The following DOK7 variants were observed in gnomAD, a reference collection of about 807,000 sequenced individuals.
DOK7 encodes protein Dok-7.
A neutral mutation model predicts 30.7 loss-of-function variants in DOK7; 32 were observed. That is an observed-to-expected ratio of 1.04 (90% CI 0.79 to 1.40). The LOEUF (loss-of-function observed/expected upper bound fraction) is 1.40. Ranked by LOEUF, DOK7 falls within the 40% of genes most tolerant of loss-of-function variation. The pLI, the probability that DOK7 is intolerant of heterozygous loss-of-function variation, is 0.00. For synonymous variants in DOK7, 447 were observed against 324.1 expected, an observed-to-expected ratio of 1.38 and a Z score of -4.07; for missense variants, 1,007 against 699.2, an observed-to-expected ratio of 1.44 and a Z score of -4.97.
downstream of DOK7, among the ~76,000 whole-genome samples, chr4:3,495,523 C>CA: frequency 6.6e-6 from 1 of 152,342 alleles, no homozygotes; most frequent in East Asian, 1.9e-4. Flanking sequence ...TGCCTCTCCT[C>CA]ACGATGCTCG....
At chr4:3,491,992 G>T (rs777785628) in intron 6 of DOK7, among the ~76,000 whole-genome samples, 12 of 152,340 alleles carry the variant, frequency 7.9e-5, no homozygotes, top group Non-Finnish European at 2.9e-5. Context: ...CTCCCCTCCT[G>T]CCCTGCCCCA....
Position 3,469,149 on chromosome 4 carries a change from G to T in DOK7, c.101-4257G>T, listed in dbSNP as rs963127169. 4.0e-5 allele frequency among the ~76,000 whole-genome samples: 6 copies of T among 150,670 alleles called. 1 individual carries two copies. Among genetic ancestry groups the T allele is most frequent in the Non-Finnish European group, 8.9e-5 (6 of 67,672 alleles). On this transcript the variant is annotated intron_variant, in intron 2 of 6. Coordinates refer to ENST00000340083, the MANE Select transcript of DOK7 (RefSeq NM_173660.5). ...ATTGTGTGTGTGCGTGTATGTGTCT[G>T]TGTATGAGTGTGCATGTGTGTGTGT... is the stretch of plus-strand genomic sequence containing the variant.
downstream of DOK7, chr4:3,494,595 A>C: frequency 1.2e-6 from 1 of 866,102 alleles, no homozygotes; most frequent in Non-Finnish European, 1.4e-6. Flanking sequence ...CCTTTATCTC[A>C]GAGAGTGCGA....
intron 3 of DOK7, among the ~76,000 whole-genome samples, chr4:3,474,903 C>A (rs1465764977): frequency 1.3e-5 from 2 of 152,058 alleles, no homozygotes; most frequent in African/African-American, 4.8e-5. Context: ...CAGAGTGAGA[C>A]CCTGTCTCAA....
rs371408752 is a variant in DOK7 at position 3,485,644 on chromosome 4, G to C, written c.638G>C (p.Arg213Pro). The change falls in exon 5 of 7, where the codon CGG becomes CCG. Residue 213 changes from arginine (R) to proline (P), a missense_variant. Physicochemically the swap from Arg to Pro is moderately radical, Grantham distance 103. Coordinates refer to ENST00000340083, the MANE Select transcript of DOK7 (RefSeq NM_173660.5). Reference protein sequence around the residue: ...ISPTKGPFGLRPVLPDPSPPG... With the variant: ...ISPTKGPFGLPPVLPDPSPPG... ...CCCACCAAGGGCCCCTTTGGGCTGC[G>C]GCCGGTTCTACCAGGTGCGTGTGGG... 1.2e-6 allele frequency: 2 copies of C among 1,600,570 alleles called. No individual in the cohort carries two copies. Among genetic ancestry groups the C allele is most frequent in the Non-Finnish European group, 1.7e-6 (2 of 1,173,192 alleles).
rs116119602 is a variant in DOK7, at chr4:3,469,951, T to C, written c.101-3455T>C. Among the ~76,000 whole-genome samples, 395 of 152,192 alleles carry C rather than the reference T, an allele frequency of 2.6e-3. 2 individuals carry two copies. Among genetic ancestry groups the C allele is most frequent in the African/African-American group, 9.2e-3 (381 of 41,538 alleles). On this transcript the variant is annotated intron_variant, in intron 2 of 6. Coordinates refer to ENST00000340083, the MANE Select transcript of DOK7 (RefSeq NM_173660.5). The stretch of plus-strand genomic sequence containing the variant: ...CTCGGCTTCTGTTCATGTTTGAAAA[T>C]GAAATCGGTGGTTTGGGTGGTCGTC...
Position 3,471,411 on chromosome 4 carries a change from T to C in DOK7, c.101-1995T>C, listed in dbSNP as rs570022526. On this transcript the variant is annotated intron_variant, in intron 2 of 6. Transcript: ENST00000340083. ...GGGAAGGGAGTGAAGGGGTGGTCTG[T>C]ATGGTGCGTGATTATCCTCAGTGGA... 9.8e-5 allele frequency among the ~76,000 whole-genome samples: 15 copies of C among 152,286 alleles called. No individual in the cohort carries two copies. The South Asian group carries it at 3.1e-3, about 32-fold the overall frequency.
chr4:3,500,772 G>C lies in DOK7; in HGVS notation c.1342G>C (p.Ala448Pro), dbSNP rs1415737249. Residue 448 changes from alanine to proline, a missense_variant, in exon 8 of 8, where the codon GCC (alanine) becomes CCC (proline). Coordinates refer to the DOK7 transcript ENST00000643608. ...CAGAGTGGGGGTGCGGCACGCACGG[G>C]CCCGGGAGGAGCAGCTGTCGGAGCT... 7 of 1,534,612 alleles carry C rather than the reference G, an allele frequency of 4.6e-6. No individual in the cohort carries two copies. The Admixed American group carries it at 9.8e-5, about 22-fold the overall frequency.
rs149745975 is a variant in DOK7 at position 3,471,719 on chromosome 4, C to T, written c.101-1687C>T. 2.6e-3 allele frequency among the ~76,000 whole-genome samples: 399 copies of T among 152,338 alleles called. 1 individual carries two copies. Among genetic ancestry groups the T allele is most frequent in the Middle Eastern group, 0.014 (4 of 294 alleles). ...CTGTGTTTGATTTCTCTCTTGGGGC[C>T]GGGCGTCCTGCTTCCTGCCTTGGAG... On this transcript the variant is annotated intron_variant, in intron 2 of 6. Coordinates refer to ENST00000340083, the MANE Select transcript of DOK7 (RefSeq NM_173660.5).
chr4:3,479,400 G>T (rs934380868), intron 4 of DOK7, among the ~76,000 whole-genome samples: 9 of 152,236 alleles, frequency 5.9e-5, no homozygotes, highest in African/African-American at 2.2e-4. Context: ...GCCGACAACT[G>T]GGGCCACTGG....
chr4:3,473,198 A>G (rs917514617), intron 2 of DOK7, among the ~76,000 whole-genome samples: 7 of 152,212 alleles, frequency 4.6e-5, no homozygotes, highest in Admixed American at 2.0e-4. Flanking sequence ...TTCTGAGTTC[A>G]TTTCCGCTCT....
chr4:3,500,829 C>G, exon 8 of DOK7: 1 of 1,528,786 alleles, frequency 6.5e-7, no homozygotes, highest in African/African-American at 1.4e-5. Flanking sequence ...GCAGTGAGGT[C>G]ACAGCGCCAG....
intron 2 of DOK7, among the ~76,000 whole-genome samples, chr4:3,472,544 T>A (rs1387189656): frequency 6.6e-6 from 1 of 152,202 alleles, no homozygotes; most frequent in African/African-American, 2.4e-5. Flanking sequence ...TGCGCCGTCC[T>A]CTCTGCTCTC....
chr4:3,500,700 G>A (rs528375118), exon 8 of DOK7: 33 of 1,535,784 alleles, frequency 2.1e-5, no homozygotes, highest in African/African-American at 1.6e-4. Flanking sequence ...AGGGGCTGGC[G>A]CCTCCCTCTA....
At chr4:3,496,171 G>A (rs1438951932), downstream of DOK7, among the ~76,000 whole-genome samples, 4 of 152,340 alleles carry the variant, frequency 2.6e-5, no homozygotes, top group East Asian at 1.9e-4. Flanking sequence ...TGTCCCTCCC[G>A]CAAGCGCCCT....
In DOK7 at chr4:3,492,764, G is replaced by T; in HGVS notation, c.778G>T (p.Asp260Tyr). ...GGCTTCCTGCTCTGTCTCAGGGGATGACCGCAGCCTGTCCAGCTCATCCTC... is the reference window on the plus strand; with the variant it reads ...GGCTTCCTGCTCTGTCTCAGGGGATTACCGCAGCCTGTCCAGCTCATCCTC... The part of the protein sequence containing the change: ...HAGRPGSGGD[D>Y]RSLSSSSSEA... Residue 260 changes from aspartate to tyrosine, a missense_variant, in exon 7 of 7, where the codon GAC (aspartate) becomes TAC (tyrosine). Asp to Tyr is a radical substitution (Grantham distance 160, BLOSUM62 -3). Transcript: ENST00000340083. 6.2e-7 allele frequency: 1 copy of T among 1,612,548 alleles called. No individual in the cohort carries two copies.
At chr4:3,490,462 CCTTT>C (rs1304256047) in intron 6 of DOK7, among the ~76,000 whole-genome samples, 1 of 116,968 alleles carries the variant, frequency 8.5e-6, no homozygotes, top group East Asian at 2.7e-4. Flanking sequence ...CTCATTCATT[CCTTT>C]CTTCTCCCTC....
At chr4:3,487,627 G>C (rs1203793064) in intron 5 of DOK7, among the ~76,000 whole-genome samples, 1 of 152,184 alleles carries the variant, frequency 6.6e-6, no homozygotes, top group Admixed American at 6.5e-5. Flanking sequence ...TGGCCTCCAC[G>C]GGGGTGCACC....
rs1728632467 is a variant in DOK7, at chr4:3,493,137, G to A, written c.1151G>A (p.Ser384Asn). ...SLPAAGAPEP[S>N]LCTCLPGTVE... The stretch of plus-strand genomic sequence containing the variant: ...CCAGCAGCGGGGGCCCCCGAGCCCA[G>A]CCTGTGCACCTGCCTGCCCGGGACA... Residue 384 changes from serine to asparagine, a missense_variant, in exon 7 of 7, where the codon AGC becomes AAC. By Grantham distance (46) the Ser-to-Asn change is conservative. Coordinates refer to ENST00000340083, the MANE Select transcript of DOK7 (RefSeq NM_173660.5). 1.9e-6 allele frequency: 3 copies of A among 1,599,846 alleles called. No homozygotes were observed. The highest frequency in any genetic ancestry group is 2.6e-6 in the Non-Finnish European group (3 of 1,175,386).
Sources: allele counts gnomAD v4.1 joint callset (sites outside exome capture counted in the v4.1 genomes callset), GRCh38; gene constraint gnomAD v4.1.1; transcripts MANE v1.5; gene names NCBI Gene and HGNC (gene_info 2026-07-23, HGNC 2026-07-21).